The following ACACB variants were observed in gnomAD, a reference collection of about 807,000 sequenced individuals.
ACACB encodes the protein acetyl-CoA carboxylase 2.
ACACB carries 209 observed loss-of-function variants against 278.8 expected under a neutral mutation model. The observed-to-expected ratio is 0.75, with a 90% CI of 0.67 to 0.84. The LOEUF (loss-of-function observed/expected upper bound fraction) is 0.84. Ranked by LOEUF, ACACB falls within the 40% of genes least tolerant of loss-of-function variation. The pLI is 0.00. For synonymous variants in ACACB, 1,174 were observed against 1,285.6 expected, an observed-to-expected ratio of 0.91 and a Z score of 1.86; for missense variants, 2,850 against 3,269.0, an observed-to-expected ratio of 0.87 and a Z score of 3.13.
chr12:109,111,321 C>T, the ACACB span: 1 of 152,300 alleles, frequency 6.6e-6, no homozygotes, highest in Non-Finnish European at 1.5e-5. Flanking sequence ...GTCGTGGCTA[C>T]GTTCTGCCAA....
chr12:109,122,075 A>G (rs1373490237), intron 1 of ACACB, among the ~76,000 whole-genome samples: 1 of 152,226 alleles, frequency 6.6e-6, no homozygotes, highest in Non-Finnish European at 1.5e-5. Context: ...CATTCCAGGC[A>G]GCATGTGCAG....
At chr12:109,143,094 G>A (rs1327495595) in intron 2 of ACACB, among the ~76,000 whole-genome samples, 1 of 152,108 alleles carries the variant, frequency 6.6e-6, no homozygotes, top group Non-Finnish European at 1.5e-5. Flanking sequence ...TATGGTGAAC[G>A]AAGGAGTGAT....
chr12:109,204,897 T>A (rs578232188), intron 19 of ACACB, among the ~76,000 whole-genome samples: 6 of 151,944 alleles, frequency 3.9e-5, no homozygotes, highest in East Asian at 3.9e-4. Context: ...CCCAGGCTGG[T>A]GTGCAGTGGC....
In ACACB at chr12:109,252,031, G is replaced by A; in HGVS notation, c.5791-15G>A. On this transcript the variant is annotated splice_polypyrimidine_tract_variant and intron_variant, in intron 41 of 52. Coordinates refer to ENST00000338432, the MANE Select transcript of ACACB (RefSeq NM_001093.4). ...CGCCACTCTCCAGAATTCAGAGGGG[G>A]TCCTCTCTCCACAGGTGACCTGCCG... 1 of 1,595,216 alleles carries A rather than the reference G, an allele frequency of 6.3e-7. No homozygotes were observed. The highest frequency in any genetic ancestry group is 8.6e-7 in the Non-Finnish European group (1 of 1,168,626).
intron 28 of ACACB, among the ~76,000 whole-genome samples, chr12:109,231,892 A>C (rs1248260318): frequency 6.6e-6 from 1 of 152,192 alleles, no homozygotes; most frequent in Admixed American, 6.5e-5. Flanking sequence ...GGCTTGCAGA[A>C]GAAAGCAGGT....
rs151159795 is a variant in ACACB, at chr12:109,264,356, C to A, written c.6912C>A (p.Pro2304=). 1.9e-6 allele frequency: 3 copies of A among 1,613,896 alleles called. No individual in the cohort carries two copies. The highest frequency in any genetic ancestry group is 2.2e-5 in the East Asian group (1 of 44,882). ...AVQFADFHDT[P]GRMLEKGVIS... The stretch of plus-strand genomic sequence containing the variant: ...AGTTCGCCGACTTCCATGACACACC[C>A]GGCCGGATGCTGGAGAAGGGCGTCA... The change falls in exon 50 of 53, where the codon CCC becomes CCA. Residue 2304 remains proline, a synonymous_variant. Coordinates refer to ENST00000338432, the MANE Select transcript of ACACB (RefSeq NM_001093.4).
intron 36 of ACACB, 170 bp from the exon 37 acceptor site, chr12:109,242,267 T>C: frequency 1.5e-6 from 1 of 659,500 alleles, no homozygotes; most frequent in South Asian, 2.1e-5. Context: ...GTTCTGGCCC[T>C]CCACAGTGGT....
rs113795346 is a variant in ACACB at position 109,265,435 on chromosome 12, A to G, written c.7160A>G (p.Gln2387Arg). 2 of 1,613,640 alleles carry G rather than the reference A, an allele frequency of 1.2e-6. No homozygotes were observed. The highest frequency in any genetic ancestry group is 1.1e-5 in the South Asian group (1 of 91,058). The stretch of plus-strand genomic sequence containing the variant: ...CAGGTGGTTGTGCAGTGGCTGGAAC[A>G]GCACTGGCAGGCAGGGGATGGCCCG... ...NNQVVVQWLE[Q>R]HWQAGDGPRS... Residue 2387 changes from glutamine (Q) to arginine (R), a missense_variant, in exon 52 of 53, where the codon CAG (glutamine) becomes CGG (arginine). Physicochemically the swap from Gln to Arg is conservative, Grantham distance 43. Around this residue, in one of 3 missense-constraint regions of ACACB, gnomAD observed 579 missense variants for 684.6 expected, o/e 0.85. Transcript: ENST00000338432.
intron 2 of ACACB, among the ~76,000 whole-genome samples, chr12:109,141,020 C>T (rs2043110335): frequency 1.3e-5 from 2 of 150,864 alleles, no homozygotes; most frequent in African/African-American, 2.4e-5. Context: ...CACCTCAGTG[C>T]ACTCCTGGGT....
chr12:109,250,096 A>G lies in ACACB; in HGVS notation c.5782A>G (p.Ile1928Val), dbSNP rs2047053917. The part of the protein sequence containing the change: ...SSLAYEEIVT[I>V]SLVTCRAIGI... ...TCTGGCTTACGAAGAGATCGTCACC[A>G]TTAGCTTGGTGAGTCTTCTTCTATT... Residue 1928 changes from isoleucine (I) to valine (V), a missense_variant, in exon 41 of 53, where the codon ATT becomes GTT. Physicochemically the swap from Ile to Val is conservative, Grantham distance 29. Coordinates refer to ENST00000338432, the MANE Select transcript of ACACB (RefSeq NM_001093.4). 1 of 1,603,158 alleles carries G rather than the reference A, an allele frequency of 6.2e-7. No individual in the cohort carries two copies. Among genetic ancestry groups the G allele is most frequent in the Non-Finnish European group, 8.5e-7 (1 of 1,176,534 alleles).
At chr12:109,254,441 G>C in intron 44 of ACACB, 107 bp downstream of exon 44, 1 of 1,109,906 alleles carries the variant, frequency 9.0e-7, no homozygotes, top group East Asian at 2.6e-5. Flanking sequence ...CTTGATATTC[G>C]TTCTCATATC....
intron 4 of ACACB, among the ~76,000 whole-genome samples, chr12:109,170,905 C>T (rs371729061): frequency 5.9e-5 from 9 of 151,748 alleles, no homozygotes; most frequent in South Asian, 2.1e-4. Context: ...GACATGATCA[C>T]GACTCATTGT....
rs766775329 is a variant in ACACB at position 109,222,792 on chromosome 12, C to G, written c.3679-7C>G. ...TCACGCCAGCGCCCCCATCCCTCCCCCTGCAGATCCTGATTGCCTCCCACC... is the reference window on the plus strand; with the variant it reads ...TCACGCCAGCGCCCCCATCCCTCCCGCTGCAGATCCTGATTGCCTCCCACC... On this transcript the variant is annotated splice_region_variant and splice_polypyrimidine_tract_variant and intron_variant, in intron 25 of 52. Transcript: ENST00000338432. The G allele has an allele frequency of 3.1e-6, 5 of 1,610,586 alleles. No individual in the cohort carries two copies. Among genetic ancestry groups the G allele is most frequent in the Non-Finnish European group, 4.2e-6 (5 of 1,177,362 alleles).
intron 2 of ACACB, 67 bp from the exon 3 acceptor site, chr12:109,166,794 A>G: frequency 6.2e-7 from 1 of 1,603,090 alleles, no homozygotes; most frequent in Non-Finnish European, 8.5e-7. Context: ...CTGGCTTTAC[A>G]GGTGCCGAGC....
At chr12:109,222,389 T>C (rs1259394962) in intron 24 of ACACB, 118 bp from the exon 25 acceptor site, 1 of 851,434 alleles carries the variant, frequency 1.2e-6, no homozygotes, top group Non-Finnish European at 2.0e-6. Flanking sequence ...GCTGGGCCTG[T>C]TTGGAGAGTG....
chr12:109,123,727 G>A (rs1262381945), intron 1 of ACACB, among the ~76,000 whole-genome samples: 3 of 85,850 alleles, frequency 3.5e-5, no homozygotes, highest in Non-Finnish European at 4.7e-5. Flanking sequence ...TCACTCTGTC[G>A]CCCAGGCTGG....
At chr12:109,259,411 A>C (rs1187378231) in intron 47 of ACACB, among the ~76,000 whole-genome samples, 1 of 151,952 alleles carries the variant, frequency 6.6e-6, no homozygotes, top group Non-Finnish European at 1.5e-5. Flanking sequence ...CTGTCTCTAC[A>C]AAAAAACAAA....
intron 1 of ACACB, among the ~76,000 whole-genome samples, chr12:109,137,183 A>G (rs2042985712): frequency 6.6e-6 from 1 of 152,124 alleles, no homozygotes; most frequent in African/African-American, 2.4e-5. Flanking sequence ...TAAAAAAAAC[A>G]CATGATGATC....
At chr12:109,127,276 T>C (rs992728376) in intron 1 of ACACB, among the ~76,000 whole-genome samples, 4 of 152,140 alleles carry the variant, frequency 2.6e-5, no homozygotes, top group African/African-American at 7.2e-5. Flanking sequence ...TCTCTGGACA[T>C]TGGATTCTCA....
Sources: allele counts gnomAD v4.1 joint callset (sites outside exome capture counted in the v4.1 genomes callset), GRCh38; gene constraint gnomAD v4.1.1; regional missense constraint gnomAD v4.1.1; transcripts MANE v1.5; gene names NCBI Gene and HGNC (gene_info 2026-07-23, HGNC 2026-07-21).